EARS2: variants seen among roughly 807,000 people sequenced by gnomAD.
EARS2 encodes the protein nondiscriminating glutamyl-tRNA synthetase EARS2, mitochondrial.
Under a neutral mutation model 54.1 loss-of-function variants are expected in EARS2, and 50 were observed. The ratio of observed to expected loss-of-function variants is 0.92; its 90% CI spans 0.74 to 1.17. EARS2 has a LOEUF of 1.17. Ranked by LOEUF, EARS2 falls within the 50% of genes most tolerant of loss-of-function variation. The pLI, the probability that EARS2 is intolerant of heterozygous loss-of-function variation, is 0.00. For missense variants in EARS2, 673 were observed against 675.0 expected (o/e 1.00, Z 0.03); for synonymous variants, 298 against 281.0 (o/e 1.06, Z -0.61).
intron 6 of EARS2, 46 bp from the exon 7 acceptor site, chr16:23,529,678 G>T: frequency 1.2e-6 from 2 of 1,612,946 alleles, no homozygotes; most frequent in Non-Finnish European, 8.5e-7. Flanking sequence ...CAGGGCTCTG[G>T]AAGGCAGGAG....
At chr16:23,556,905 C>T (rs1455587952) in intron 1 of EARS2, 2 of 624,752 alleles carry the variant, frequency 3.2e-6, no homozygotes, top group South Asian at 1.5e-5. Context: ...TCAATGATCA[C>T]TGTATCCCAG....
In EARS2 at chr16:23,552,163, A is replaced by C; in HGVS notation, c.281T>G (p.Met94Arg). 1.4e-5 allele frequency: 22 copies of C among 1,613,880 alleles called. No individual in the cohort carries two copies. The highest frequency in any genetic ancestry group is 1.9e-5 in the Non-Finnish European group (22 of 1,179,832). Reference protein sequence around the residue: ...VPGAAENIEDMLEWAGIPPDE... With the variant: ...VPGAAENIEDRLEWAGIPPDE... ...GCCAGGCTTACCTGCCCACTCCAGC[A>C]TGTCCTCAATATTCTCCGCTGCCCC... is the stretch of plus-strand genomic sequence containing the variant. Residue 94 changes from methionine to arginine, a missense_variant, in exon 2 of 9, where the codon ATG (methionine) becomes AGG (arginine). By Grantham distance (91) the Met-to-Arg change is moderately conservative (BLOSUM62 -1). Coordinates refer to ENST00000449606, the MANE Select transcript of EARS2 (RefSeq NM_001083614.2).
rs148172190 is a variant in EARS2 at position 23,551,063 on chromosome 16, G to A, written c.295+1086C>T. Reference sequence around the variant, plus strand: ...TATACAACATGGTTAAAAAAAATCTGAGCCCAGATTTAATAATGGTTAAGT... The same window carrying A: ...TATACAACATGGTTAAAAAAAATCTAAGCCCAGATTTAATAATGGTTAAGT... On this transcript the variant is annotated intron_variant, in intron 2 of 8. Coordinates refer to ENST00000449606, the MANE Select transcript of EARS2 (RefSeq NM_001083614.2). Among the ~76,000 whole-genome samples the A allele has an allele frequency of 1.9e-3, 290 of 152,304 alleles. 2 individuals carry two copies. Among genetic ancestry groups the A allele is most frequent in the African/African-American group, 6.5e-3 (269 of 41,568 alleles).
chr16:23,532,597 G>A (rs1211669168), intron 5 of EARS2, 60 bp downstream of exon 5: 5 of 1,278,256 alleles, frequency 3.9e-6, no homozygotes, highest in Non-Finnish European at 3.4e-6. Context: ...CTCTGCTGTA[G>A]GGATCATCAT....
At chr16:23,532,175 G>A (rs1231292768) in intron 5 of EARS2, among the ~76,000 whole-genome samples, 2 of 152,144 alleles carry the variant, frequency 1.3e-5, no homozygotes, top group Non-Finnish European at 2.9e-5. Context: ...ATATTTGGAG[G>A]TTTCCAAGTG....
intron 5 of EARS2, 164 bp from the exon 6 acceptor site, chr16:23,530,061 A>T (rs952763717): frequency 2.3e-6 from 2 of 877,262 alleles, no homozygotes; most frequent in Non-Finnish European, 3.4e-6. Flanking sequence ...AAAGAAAGGG[A>T]TGTGACTAAG....
At chr16:23,533,277 C>G (rs1272755535) in intron 4 of EARS2, among the ~76,000 whole-genome samples, 4 of 152,116 alleles carry the variant, frequency 2.6e-5, no homozygotes, top group Non-Finnish European at 4.4e-5. Flanking sequence ...GAGCGAGACT[C>G]TATCAAATAA....
intron 5 of EARS2, among the ~76,000 whole-genome samples, chr16:23,531,550 C>G (rs1356828134): frequency 1.3e-5 from 2 of 152,132 alleles, no homozygotes; most frequent in Admixed American, 1.3e-4. Flanking sequence ...TGTGAGCCAC[C>G]ATGCCTGGCC....
At chr16:23,540,080 G>T (rs750079348) in intron 3 of EARS2, among the ~76,000 whole-genome samples, 33 of 152,318 alleles carry the variant, frequency 2.2e-4, no homozygotes, top group Non-Finnish European at 3.2e-4. Flanking sequence ...CTTGAGCCCA[G>T]GAGGCAGAAG....
At chr16:23,533,548 T>C (rs539755162) in intron 4 of EARS2, among the ~76,000 whole-genome samples, 13 of 152,278 alleles carry the variant, frequency 8.5e-5, no homozygotes, top group African/African-American at 3.1e-4. Context: ...ATCAAGAGCC[T>C]GAATGAGCTT....
chr16:23,530,008 G>T, intron 5 of EARS2, 111 bp from the exon 6 acceptor site: 1 of 1,359,176 alleles, frequency 7.4e-7, no homozygotes, highest in Non-Finnish European at 1.0e-6. Context: ...GGTCCCATGA[G>T]CCCTCCCTTT....
In EARS2 at chr16:23,554,103, A is replaced by T. The variant is rs969089261; in HGVS notation, c.140-1799T>A. On this transcript the variant is annotated intron_variant, in intron 1 of 8. Coordinates refer to ENST00000449606, the MANE Select transcript of EARS2 (RefSeq NM_001083614.2). ...CGGCTCACTGCAGCCTCAACCACCC[A>T]GGCTCAATCAATCCTCCCACGTCAG... 4.0e-4 allele frequency among the ~76,000 whole-genome samples: 61 copies of T among 152,012 alleles called. 1 individual carries two copies. The highest frequency in any genetic ancestry group is 1.3e-3 in the African/African-American group (54 of 41,392).
At chr16:23,546,520 A>G (rs1467229932) in intron 2 of EARS2, 5 of 447,764 alleles carry the variant, frequency 1.1e-5, no homozygotes, top group Non-Finnish European at 2.2e-5. Flanking sequence ...GTACTCATCA[A>G]GTGGCCTGTG....
Position 23,523,750 on chromosome 16 carries a change from G to A in EARS2, c.*621C>T, listed in dbSNP as rs1024552475. On this transcript the variant is annotated 3_prime_UTR_variant, in exon 9 of 9. Transcript: ENST00000449606. ...ACTTGGAGATTGAGCATTTAAAGAG[G>A]TGATTAACTTAAATGAGGCTGGTTA... 3 of 152,296 alleles carry A rather than the reference G, an allele frequency of 2.0e-5. No individual in the cohort carries two copies. The highest frequency in any genetic ancestry group is 2.4e-5 in the African/African-American group (1 of 41,444). The allele number at this position is 152,296 out of a possible 1,614,324, so 9.4% of individuals were successfully genotyped here. A position where few individuals can be genotyped will look rare whatever the true frequency, so the allele number is the denominator to read the frequency against.
Position 23,524,399 on chromosome 16 carries a change from TC to T in EARS2, c.1543del (p.Glu515AsnfsTer54). The T allele has an allele frequency of 6.2e-7, 1 of 1,614,186 alleles. No individual in the cohort carries two copies. Among genetic ancestry groups the T allele is most frequent in the Non-Finnish European group, 8.5e-7 (1 of 1,180,016 alleles). Reference sequence around the variant, plus strand: ...GCTGGAAACCACCTTCTGGATCCGTTCCCGTACTTCCTTTGGTCCCAAGGCC... The same window carrying T: ...GCTGGAAACCACCTTCTGGATCCGTTCCGTACTTCCTTTGGTCCCAAGGCC... ...MLALGPKEVRERIQKVVSS is the reference protein window; with the variant it reads ...MLALGPKEVRXRIQKVVSS On this transcript the variant is annotated frameshift_variant, in exon 9 of 9. Coordinates refer to ENST00000449606, the MANE Select transcript of EARS2 (RefSeq NM_001083614.2). LOFTEE classifies it high-confidence loss of function.
rs1381065913 is a variant in EARS2, at chr16:23,534,890, G to C, written c.956C>G (p.Ala319Gly). The C allele has an allele frequency of 1.9e-6, 3 of 1,569,556 alleles. No homozygotes were observed. Among genetic ancestry groups the C allele is most frequent in the Non-Finnish European group, 8.7e-7 (1 of 1,154,482 alleles). Residue 319 changes from alanine (A) to glycine (G), a missense_variant and splice_region_variant, in exon 4 of 9, where the codon GCA (alanine) becomes GGA (glycine). Physicochemically the swap from Ala to Gly is moderately conservative, Grantham distance 60. Transcript: ENST00000449606. ...GGACTATTCAGGTGGGCACGTACCT[G>C]CAAAACCTGAGCCACAGTTGGTGAT... ...DIITNCGSGF[A>G]ENQMGRTLPE... is the part of the protein sequence containing the mutation.
At chr16:23,539,996 CA>C (rs533591079) in intron 3 of EARS2, among the ~76,000 whole-genome samples, 1 of 151,770 alleles carries the variant, frequency 6.6e-6, no homozygotes, top group Non-Finnish European at 1.5e-5. Flanking sequence ...CCAAAAAATA[CA>C]AAAAAAATTT....
chr16:23,538,675 G>A (rs1965463972), intron 3 of EARS2, among the ~76,000 whole-genome samples: 1 of 151,994 alleles, frequency 6.6e-6, no homozygotes, highest in South Asian at 2.1e-4. Flanking sequence ...TGGGTAACGA[G>A]ACCTTGTCTC....
chr16:23,542,295 C>G lies in EARS2; in HGVS notation c.485+2219G>C, dbSNP rs894803750. 4.2e-5 allele frequency among the ~76,000 whole-genome samples: 6 copies of G among 142,064 alleles called. No individual in the cohort carries two copies. The Admixed American group carries it at 4.4e-4, about 10-fold the overall frequency. The allele number at this position is 142,064 out of a possible 152,430, so 93.2% of individuals were successfully genotyped here. On this transcript the variant is annotated intron_variant, in intron 3 of 8. Transcript: ENST00000449606. ...CAGACGTGAGCCACCATACTTGGCCCTTTGTGGACCTTTCATTTTTCTTTT... is the reference window on the plus strand; with the variant it reads ...CAGACGTGAGCCACCATACTTGGCCGTTTGTGGACCTTTCATTTTTCTTTT...
Sources: gnomAD v4.1 joint callset for allele counts (sites outside exome capture counted in the v4.1 genomes callset) on GRCh38, gnomAD v4.1.1 for gene constraint, MANE v1.5 for transcripts, NCBI Gene and HGNC (gene_info 2026-07-23, HGNC 2026-07-21) for gene names.